VWA8: variants seen among roughly 807,000 people sequenced by gnomAD.
VWA8 encodes von Willebrand factor A domain-containing protein 8.
In VWA8, 221 loss-of-function variants were observed where a neutral mutation model predicts 241.5. The ratio of observed to expected loss-of-function variants is 0.91; its 90% CI spans 0.82 to 1.02. The LOEUF (loss-of-function observed/expected upper bound fraction) is 1.02, where lower values mean the gene tolerates loss of function less well. VWA8 is among the 50% of genes least tolerant of loss of function. The pLI is 0.00. For synonymous variants in VWA8, 852 were observed against 827.1 expected (o/e 1.03, Z -0.52); for missense variants, 2,322 against 2,328.7 (o/e 1.00, Z 0.06).
chr13:41,578,318 T>C (rs1162070949), intron 42 of VWA8, among the ~76,000 whole-genome samples: 21 of 152,188 alleles, frequency 1.4e-4, no homozygotes, highest in Admixed American at 1.4e-3. Context: ...TTTCTCATCT[T>C]CCAGATGGGT....
intron 20 of VWA8, among the ~76,000 whole-genome samples, chr13:41,771,558 C>A (rs557713835): frequency 6.0e-4 from 91 of 152,236 alleles, no homozygotes; most frequent in African/African-American, 2.0e-3. Flanking sequence ...AACAGAGACT[C>A]ACTCTTAGGG....
intron 2 of VWA8, among the ~76,000 whole-genome samples, chr13:41,915,707 G>A (rs1876218138): frequency 6.6e-6 from 1 of 152,178 alleles, no homozygotes; most frequent in South Asian, 2.1e-4. Context: ...TACCTTTAGA[G>A]TAAGTCTGTA....
chr13:41,613,018 CT>C (rs1391142173), intron 38 of VWA8, among the ~76,000 whole-genome samples: 1 of 152,072 alleles, frequency 6.6e-6, no homozygotes, highest in East Asian at 1.9e-4. Flanking sequence ...TAAACAAAGC[CT>C]AGTTACACAG....
chr13:41,927,237 A>G (rs10507503), intron 2 of VWA8: 25,075 of 478,874 alleles, frequency 0.052, 895 homozygotes, highest in East Asian at 0.12. Flanking sequence ...TTTTCTCAAA[A>G]GATTCCAACA....
chr13:41,835,711 T>A (rs556342693), intron 12 of VWA8, among the ~76,000 whole-genome samples: 1 of 152,186 alleles, frequency 6.6e-6, no homozygotes, highest in Non-Finnish European at 1.5e-5. Flanking sequence ...ATATTACATA[T>A]GCATATACAT....
intron 12 of VWA8, among the ~76,000 whole-genome samples, chr13:41,852,480 A>G (rs893438113): frequency 1.2e-4 from 18 of 151,914 alleles, no homozygotes; most frequent in African/African-American, 3.9e-4. Context: ...TCATTTATCT[A>G]TTTTTGCTTT....
intron 18 of VWA8, 46 bp from the exon 19 acceptor site, chr13:41,783,947 C>G (rs770828905): frequency 6.8e-7 from 1 of 1,472,468 alleles, no homozygotes; most frequent in East Asian, 2.3e-5. Context: ...GCACTGTCCT[C>G]AGAGATGCCA....
At chr13:41,779,991 T>A (rs1164844325) in intron 19 of VWA8, among the ~76,000 whole-genome samples, 1 of 152,188 alleles carries the variant, frequency 6.6e-6, no homozygotes, top group Non-Finnish European at 1.5e-5. Context: ...CCTCTCCCAG[T>A]TACCCATTTC....
intron 40 of VWA8, among the ~76,000 whole-genome samples, chr13:41,600,791 A>T (rs1415568501): frequency 6.6e-6 from 1 of 151,666 alleles, no homozygotes; most frequent in Non-Finnish European, 1.5e-5. Flanking sequence ...AAAACCTCCC[A>T]TTTCCCTTCC....
At chr13:41,612,277 T>C (rs985368262) in intron 38 of VWA8, among the ~76,000 whole-genome samples, 6 of 152,240 alleles carry the variant, frequency 3.9e-5, no homozygotes, top group African/African-American at 1.4e-4. Context: ...AAATGACATA[T>C]TCAGGACCTC....
intron 17 of VWA8, among the ~76,000 whole-genome samples, chr13:41,792,927 T>A (rs1046249757): frequency 1.3e-5 from 2 of 152,096 alleles, no homozygotes; most frequent in African/African-American, 4.8e-5. Flanking sequence ...CTCACTAAAC[T>A]CTATTTGTTC....
intron 14 of VWA8, among the ~76,000 whole-genome samples, chr13:41,826,255 A>G (rs150690325): frequency 1.1e-3 from 163 of 152,306 alleles, no homozygotes; most frequent in African/African-American, 3.8e-3. Context: ...AAGAAAAATT[A>G]CAGATAAGGA....
chr13:41,945,972 C>T (rs1328819234), intron 2 of VWA8, among the ~76,000 whole-genome samples: 3 of 151,964 alleles, frequency 2.0e-5, no homozygotes, highest in Admixed American at 6.6e-5. Flanking sequence ...TAGACACATC[C>T]ACAGTCAAAC....
chr13:41,684,983 T>C, intron 35 of VWA8, 64 bp downstream of exon 35: 1 of 1,361,994 alleles, frequency 7.3e-7, no homozygotes. Flanking sequence ...TTAAATATCC[T>C]CTACCAAAAG....
chr13:41,752,546 C>T (rs1039222426), intron 21 of VWA8, among the ~76,000 whole-genome samples: 1 of 152,124 alleles, frequency 6.6e-6, no homozygotes, highest in Non-Finnish European at 1.5e-5. Context: ...AATGAATTAA[C>T]ATACAGTGAA....
chr13:41,898,823 G>T (rs1299358684), intron 4 of VWA8, among the ~76,000 whole-genome samples: 1 of 151,356 alleles, frequency 6.6e-6, no homozygotes, highest in Non-Finnish European at 1.5e-5. Flanking sequence ...GCTGGCCCGG[G>T]TGCTAAGTCC....
At chr13:41,617,023 AAAAAC>A (rs1265182648) in intron 37 of VWA8, among the ~76,000 whole-genome samples, 1 of 152,200 alleles carries the variant, frequency 6.6e-6, no homozygotes, top group African/African-American at 2.4e-5. Flanking sequence ...CAGCACTGCG[AAAAAC>A]AAAACAAAAC....
At chr13:41,856,500 A>G (rs527789831) in intron 12 of VWA8, among the ~76,000 whole-genome samples, 10 of 152,304 alleles carry the variant, frequency 6.6e-5, no homozygotes, top group African/African-American at 9.6e-5. Flanking sequence ...TCAGTTCTCA[A>G]TAACAGCCAT....
At chr13:41,786,624 C>T (rs867761593) in intron 18 of VWA8, among the ~76,000 whole-genome samples, 11 of 151,972 alleles carry the variant, frequency 7.2e-5, no homozygotes, top group South Asian at 2.1e-4. Flanking sequence ...GTTGACTCTG[C>T]GTATCTGTAT....
Sources: allele counts gnomAD v4.1 joint callset (sites outside exome capture counted in the v4.1 genomes callset), GRCh38; gene constraint gnomAD v4.1.1; transcripts MANE v1.5; gene names NCBI Gene and HGNC (gene_info 2026-07-23, HGNC 2026-07-21).